RPRD1B: variants seen among roughly 807,000 people sequenced by gnomAD.
RPRD1B encodes regulation of nuclear pre-mRNA domain containing 1B, also known as regulation of nuclear pre-mRNA domain-containing protein 1B.
RPRD1B carries 11 observed loss-of-function variants against 41.5 expected under a neutral mutation model. That is an observed-to-expected ratio of 0.27 (90% CI 0.17 to 0.44). RPRD1B has a LOEUF of 0.44. Among genes scored for constraint, RPRD1B ranks in the 20% least tolerant of loss-of-function variants. The pLI, the probability that RPRD1B is intolerant of heterozygous loss-of-function variation, is 1.00. For missense variants in RPRD1B, 248 were observed against 389.9 expected, an observed-to-expected ratio of 0.64 and a Z score of 3.06; for synonymous variants, 158 against 155.6, an observed-to-expected ratio of 1.02 and a Z score of -0.12.
chr20:38,045,542 T>C (rs944425760), intron 2 of RPRD1B, among the ~76,000 whole-genome samples: 2 of 152,316 alleles, frequency 1.3e-5, no homozygotes, highest in African/African-American at 4.8e-5. Flanking sequence ...CCTTTTGGCC[T>C]TTAGTAGTAA....
intron 6 of RPRD1B, among the ~76,000 whole-genome samples, chr20:38,066,749 A>G (rs750602574): frequency 2.6e-5 from 4 of 151,866 alleles, no homozygotes; most frequent in Non-Finnish European, 5.9e-5. Flanking sequence ...TCTGCCTCCC[A>G]GGTTCACGCC....
intron 3 of RPRD1B, among the ~76,000 whole-genome samples, chr20:38,053,418 T>C (rs1305958959): frequency 6.6e-6 from 1 of 152,198 alleles, no homozygotes; most frequent in African/African-American, 2.4e-5. Flanking sequence ...TCAAGCGGTT[T>C]CAAACTCCGA....
intron 6 of RPRD1B, among the ~76,000 whole-genome samples, chr20:38,071,725 A>T (rs139416608): frequency 1.3e-5 from 2 of 152,070 alleles, no homozygotes; most frequent in Non-Finnish European, 2.9e-5. Context: ...ATTTTCGACA[A>T]CCTACATGTG....
At chr20:38,064,474 C>G (rs1235037371) in intron 5 of RPRD1B, among the ~76,000 whole-genome samples, 1 of 152,228 alleles carries the variant, frequency 6.6e-6, no homozygotes, top group East Asian at 1.9e-4. Flanking sequence ...CTGCCGGAGT[C>G]TCTGGTGCCC....
chr20:38,055,081 T>C (rs983699429), intron 3 of RPRD1B, among the ~76,000 whole-genome samples: 1 of 152,248 alleles, frequency 6.6e-6, no homozygotes, highest in Non-Finnish European at 1.5e-5. Context: ...GCAATCTTTA[T>C]AATCAGTGGG....
chr20:38,085,101 A>G (rs1393254104), intron 6 of RPRD1B, among the ~76,000 whole-genome samples: 4 of 152,170 alleles, frequency 2.6e-5, no homozygotes, highest in Non-Finnish European at 4.4e-5. Flanking sequence ...AGGAATAGCA[A>G]CCAGACTGCT....
At chr20:38,055,450 G>GT (rs368884397) in intron 3 of RPRD1B, among the ~76,000 whole-genome samples, 5,067 of 145,360 alleles carry the variant, frequency 0.035, 99 homozygotes, top group African/African-American at 0.063. Context: ...TTAGCATGCA[G>GT]TTTTTTTTTT....
At chr20:38,043,527 G>C (rs924404146) in intron 2 of RPRD1B, among the ~76,000 whole-genome samples, 1 of 152,086 alleles carries the variant, frequency 6.6e-6, no homozygotes, top group Non-Finnish European at 1.5e-5. Flanking sequence ...GCTTAGTGTA[G>C]AGGGATGGAT....
intron 3 of RPRD1B, among the ~76,000 whole-genome samples, chr20:38,049,067 A>G (rs1204927958): frequency 6.6e-6 from 1 of 151,242 alleles, no homozygotes; most frequent in African/African-American, 2.4e-5. Flanking sequence ...CTCCTGCCCC[A>G]GCCTCCTGAG....
intron 2 of RPRD1B, among the ~76,000 whole-genome samples, chr20:38,044,902 A>G (rs1199605316): frequency 6.6e-6 from 1 of 152,020 alleles, no homozygotes; most frequent in African/African-American, 2.4e-5. Flanking sequence ...TAGGCCTACC[A>G]TAGGCCTGCT....
intron 3 of RPRD1B, among the ~76,000 whole-genome samples, chr20:38,049,208 C>T (rs2074154139): frequency 6.6e-6 from 1 of 151,972 alleles, no homozygotes; most frequent in African/African-American, 2.4e-5. Flanking sequence ...CTCGGCCTCC[C>T]AAAGTGCTGG....
intron 2 of RPRD1B, among the ~76,000 whole-genome samples, chr20:38,042,530 G>A (rs2074077124): frequency 6.6e-6 from 1 of 152,152 alleles, no homozygotes. Context: ...GGCAGTGTGA[G>A]GAAGATAAAC....
rs554968909 is a variant in RPRD1B, at chr20:38,091,528, T to G, written c.*1653T>G. ...ACACTGCCTGTCGTTCTGTCACTGT[T>G]AAATTAATGAGTCTATAAGGTTTTT... On this transcript the variant is annotated 3_prime_UTR_variant, in exon 7 of 7. Coordinates refer to ENST00000373433, the MANE Select transcript of RPRD1B (RefSeq NM_021215.4). 6 of 985,260 alleles carry G rather than the reference T, an allele frequency of 6.1e-6. No homozygotes were observed. The highest frequency in any genetic ancestry group is 7.2e-6 in the Non-Finnish European group (6 of 829,908). The allele number at this position is 985,260 out of a possible 1,614,324, so 61.0% of individuals were successfully genotyped here.
intron 6 of RPRD1B, among the ~76,000 whole-genome samples, chr20:38,080,227 T>A (rs548880012): frequency 3.3e-4 from 50 of 152,352 alleles, no homozygotes; most frequent in Admixed American, 3.3e-3. Flanking sequence ...TTAATTAGAT[T>A]TTACTTTTCA....
At chr20:38,035,626 A>G (rs538532701) in intron 1 of RPRD1B, among the ~76,000 whole-genome samples, 20 of 152,180 alleles carry the variant, frequency 1.3e-4, no homozygotes, top group Non-Finnish European at 2.2e-4. Context: ...CCTGGAGTTT[A>G]TGGGGCCTTC....
Position 38,066,262 on chromosome 20 carries a change from T to A in RPRD1B, c.831+6T>A, listed in dbSNP as rs2074354680. 1 of 1,613,754 alleles carries A rather than the reference T, an allele frequency of 6.2e-7. No individual in the cohort carries two copies. Among genetic ancestry groups the A allele is most frequent in the Non-Finnish European group, 8.5e-7 (1 of 1,179,800 alleles). On this transcript the variant is annotated splice_donor_region_variant and intron_variant, in intron 6 of 6. Transcript: ENST00000373433. Reference sequence around the variant, plus strand: ...AGAAGGAGAAAAAACTAGAGGTGAGTGCATTGAAGGCAGACCCAGACTGCC... The same window carrying A: ...AGAAGGAGAAAAAACTAGAGGTGAGAGCATTGAAGGCAGACCCAGACTGCC...
rs535719256 is a variant in RPRD1B, at chr20:38,074,090, G to A, written c.831+7834G>A. On this transcript the variant is annotated intron_variant, in intron 6 of 6. Transcript: ENST00000373433. ...TCAGTACCTTCCCACGAAGCAGGCC[G>A]TAGTGTGCTTACTGCTCTCCCTTGC... 5.3e-5 allele frequency among the ~76,000 whole-genome samples: 8 copies of A among 152,334 alleles called. No individual in the cohort carries two copies. In the East Asian group the frequency reaches 9.6e-4, roughly 18 times the overall value.
chr20:38,069,657 C>T (rs945354789), intron 6 of RPRD1B, among the ~76,000 whole-genome samples: 4 of 152,186 alleles, frequency 2.6e-5, no homozygotes, highest in Non-Finnish European at 4.4e-5. Context: ...ATGCACTTCT[C>T]CCCTCAAAGG....
At chr20:38,086,039 G>C (rs981162835) in intron 6 of RPRD1B, among the ~76,000 whole-genome samples, 1 of 152,050 alleles carries the variant, frequency 6.6e-6, no homozygotes, top group African/African-American at 2.4e-5. Context: ...GTTTTGCCAT[G>C]TTCGGGCACA....
Sources: allele counts gnomAD v4.1 joint callset (sites outside exome capture counted in the v4.1 genomes callset), GRCh38; gene constraint gnomAD v4.1.1; transcripts MANE v1.5; gene names NCBI Gene and HGNC (gene_info 2026-07-23, HGNC 2026-07-21).